Variants in DOCK8 observed in about 807,000 individuals in gnomAD.
DOCK8 encodes dedicator of cytokinesis protein 8.
Under a neutral mutation model 245.6 loss-of-function variants are expected in DOCK8, and 141 were observed. That is an observed-to-expected ratio of 0.57 (90% confidence interval 0.50 to 0.66). The LOEUF (loss-of-function observed/expected upper bound fraction) is 0.66. DOCK8 is among the 30% of genes least tolerant of loss of function. The pLI is 0.00. For missense variants in DOCK8, 2,965 were observed against 2,603.4 expected (o/e 1.14, Z -3.02); for synonymous variants, 1,168 against 970.2 (o/e 1.20, Z -3.79).
At chr9:263,158 G>A (rs899440171) in intron 1 of DOCK8, among the ~76,000 whole-genome samples, 1 of 151,672 alleles carries the variant, frequency 6.6e-6, no homozygotes, top group African/African-American at 2.4e-5. Context: ...AGTGAGCTGG[G>A]ATTGCACCAC....
At chr9:368,183 C>G (rs765745565) in intron 15 of DOCK8, 48 bp downstream of exon 15, 1 of 1,472,898 alleles carries the variant, frequency 6.8e-7, no homozygotes, top group East Asian at 2.3e-5. Context: ...GGGCTGCTCA[C>G]CCCTGTCACT....
At chr9:273,997 T>TGCCC (rs2048243246) in intron 2 of DOCK8, among the ~76,000 whole-genome samples, 1 of 152,158 alleles carries the variant, frequency 6.6e-6, no homozygotes, top group African/African-American at 2.4e-5. Flanking sequence ...TGAGCCACCA[T>TGCCC]GCCCGGCCAC....
chr9:262,189 C>T (rs558248302), intron 1 of DOCK8, among the ~76,000 whole-genome samples: 3 of 152,120 alleles, frequency 2.0e-5, no homozygotes, highest in Non-Finnish European at 4.4e-5. Flanking sequence ...TGAGATACCA[C>T]CACATACAAC....
At chr9:275,700 T>G (rs1361883576) in intron 2 of DOCK8, among the ~76,000 whole-genome samples, 1 of 152,066 alleles carries the variant, frequency 6.6e-6, no homozygotes, top group South Asian at 2.1e-4. Flanking sequence ...GCTATTCTCC[T>G]GCCTCAGCCT....
intron 14 of DOCK8, among the ~76,000 whole-genome samples, chr9:360,051 C>T (rs1434840720): frequency 1.3e-5 from 2 of 152,118 alleles, no homozygotes; most frequent in African/African-American, 2.4e-5. Context: ...TATGGTGGCT[C>T]ACACCTGTAA....
In DOCK8 at chr9:272,981, C is replaced by G. The variant is rs2992835; in HGVS notation, c.156+1252C>G. Reference sequence around the variant, plus strand: ...GAGGTTAGGTTACTTTTTGTTTCTACTTATTACTTCGAAACCACTTCTGCC... The same window carrying G: ...GAGGTTAGGTTACTTTTTGTTTCTAGTTATTACTTCGAAACCACTTCTGCC... On this transcript the variant is annotated intron_variant, in intron 2 of 47. Transcript: ENST00000432829. 265,329 of 955,422 alleles carry G rather than the reference C, an allele frequency of 0.28. 37,270 individuals carry two copies. The highest frequency in any genetic ancestry group is 0.37 in the South Asian group (7,663 of 20,718). The allele number at this position is 955,422 out of a possible 1,614,324, so 59.2% of individuals were successfully genotyped here.
In DOCK8 at chr9:376,284, T is replaced by C; in HGVS notation, c.2184T>C (p.Ala728=). 6.2e-7 allele frequency: 1 copy of C among 1,612,376 alleles called. No homozygotes were observed. Among genetic ancestry groups the C allele is most frequent in the Admixed American group, 1.7e-5 (1 of 60,008 alleles). The change falls in exon 19 of 48, where the codon GCT becomes GCC. Residue 728 remains alanine, a synonymous_variant. Transcript: ENST00000432829. ...GAGTATTTAATATTGAAGTGCAAGC[T>C]GTTTCTTCTGTACACACCCAGGTAA... ...HKGVFNIEVQ[A]VSSVHTQDNH... is the part of the protein sequence containing the mutation.
At position 277,687 on chromosome 9, in the gene DOCK8, A is replaced by T. The variant is rs538088860; in HGVS notation, c.156+5958A>T. On this transcript the variant is annotated intron_variant, in intron 2 of 47. Coordinates refer to ENST00000432829, the MANE Select transcript of DOCK8 (RefSeq NM_203447.4). ...TATGGAGGGAAAAATCCTATTTTTA[A>T]AAGTGAGAATAGAACAATTTTGAAG... 1.1e-3 allele frequency among the ~76,000 whole-genome samples: 165 copies of T among 152,244 alleles called. 1 individual carries two copies. Among genetic ancestry groups the T allele is most frequent in the Non-Finnish European group, 1.9e-3 (126 of 68,026 alleles).
intron 28 of DOCK8, among the ~76,000 whole-genome samples, chr9:408,901 T>C (rs12353428): frequency 0.56 from 82,136 of 147,540 alleles, 23,179 homozygotes; most frequent in African/African-American, 0.74. Context: ...CACACGCGCG[T>C]GCACATGCAC....
At chr9:330,238 A>G (rs1187301510) in intron 9 of DOCK8, among the ~76,000 whole-genome samples, 1 of 152,188 alleles carries the variant, frequency 6.6e-6, no homozygotes, top group African/African-American at 2.4e-5. Context: ...AATCAAGGAA[A>G]GAAGAGTGAA....
At chr9:251,489 T>C (rs976717974) in intron 1 of DOCK8, among the ~76,000 whole-genome samples, 9 of 152,190 alleles carry the variant, frequency 5.9e-5, no homozygotes, top group Non-Finnish European at 8.8e-5. Context: ...TATCCTTTCT[T>C]CTGAAAGCTT....
intron 26 of DOCK8, among the ~76,000 whole-genome samples, chr9:401,397 A>G (rs1455882201): frequency 6.6e-6 from 1 of 152,056 alleles, no homozygotes; most frequent in Non-Finnish European, 1.5e-5. Flanking sequence ...CCCAGGGGAG[A>G]GGAGGATTAG....
intron 1 of DOCK8, among the ~76,000 whole-genome samples, chr9:235,512 C>T (rs2047223619): frequency 6.6e-6 from 1 of 152,250 alleles, no homozygotes; most frequent in African/African-American, 2.4e-5. Context: ...CCTACAGAGG[C>T]AGGCAGGCCT....
At chr9:395,684 A>G (rs551439151) in intron 24 of DOCK8, among the ~76,000 whole-genome samples, 2 of 152,226 alleles carry the variant, frequency 1.3e-5, no homozygotes, top group African/African-American at 2.4e-5. Flanking sequence ...GCAACTTCCA[A>G]CAAGGATAAG....
chr9:368,498 G>A (rs894565293), intron 15 of DOCK8: 2 of 584,876 alleles, frequency 3.4e-6, no homozygotes, highest in Non-Finnish European at 6.1e-6. Flanking sequence ...TGCACAAACT[G>A]TACACACTGT....
intron 25 of DOCK8, among the ~76,000 whole-genome samples, chr9:397,256 C>G (rs1341687836): frequency 2.0e-5 from 3 of 146,782 alleles, no homozygotes. Context: ...GAGGCAGAAG[C>G]AAGAGAACTG....
intron 28 of DOCK8, among the ~76,000 whole-genome samples, chr9:410,515 G>A (rs1475617412): frequency 1.3e-5 from 2 of 152,180 alleles, no homozygotes; most frequent in African/African-American, 2.4e-5. Context: ...CCGTGAACAT[G>A]CCTGTGCATG....
At position 282,357 on chromosome 9, in the gene DOCK8, A is replaced by G. The variant is rs2048623654; in HGVS notation, c.157-4104A>G. Among the ~76,000 whole-genome samples the G allele has an allele frequency of 2.0e-5, 3 of 146,992 alleles. No homozygotes were observed. The South Asian group carries it at 6.4e-4, about 31-fold the overall frequency. On this transcript the variant is annotated intron_variant, in intron 2 of 47. Transcript: ENST00000432829. The stretch of plus-strand genomic sequence containing the variant: ...GGGGCCGTTATCAGCCAGGTTTTTC[A>G]TCATTTGTGGCTTTGAATTTCAGGG...
chr9:342,874 C>G (rs149570404), intron 14 of DOCK8, among the ~76,000 whole-genome samples: 28 of 152,294 alleles, frequency 1.8e-4, no homozygotes, highest in Admixed American at 5.2e-4. Context: ...TCAGCTCTTA[C>G]AAACACTATG....
Sources: gnomAD v4.1 joint callset for allele counts (sites outside exome capture counted in the v4.1 genomes callset) on GRCh38, gnomAD v4.1.1 for gene constraint, MANE v1.5 for transcripts, NCBI Gene and HGNC (gene_info 2026-07-23, HGNC 2026-07-21) for gene names.